The following LHFPL3 variants were observed in gnomAD, a reference collection of about 807,000 sequenced individuals.
LHFPL3 encodes the protein LHFPL tetraspan subfamily member 3 protein.
In LHFPL3, 5 loss-of-function variants were observed where a neutral mutation model predicts 19.3. That is an observed-to-expected ratio of 0.26 (90% CI 0.14 to 0.54). The LOEUF (loss-of-function observed/expected upper bound fraction) is 0.54. Ranked by LOEUF, LHFPL3 falls within the 20% of genes least tolerant of loss-of-function variation. LHFPL3 has a pLI of 0.94. For synonymous variants in LHFPL3, 133 were observed against 126.2 expected (o/e 1.05, Z -0.36); for missense variants, 249 against 307.4 (o/e 0.81, Z 1.42).
At position 104,416,215 on chromosome 7, in the gene LHFPL3, C is replaced by T. The variant is rs538903945; in HGVS notation, c.445+86991C>T. 1.1e-3 allele frequency among the ~76,000 whole-genome samples: 164 copies of T among 152,098 alleles called. 1 individual carries two copies. Among genetic ancestry groups the T allele is most frequent in the African/African-American group, 3.7e-3 (154 of 41,456 alleles). On this transcript the variant is annotated intron_variant, in intron 1 of 2. Coordinates refer to ENST00000424859, the MANE Select transcript of LHFPL3 (RefSeq NM_199000.3). ...GGGAGTGGAGTGGTACAACTAGAAG[C>T]CAAGGAATTCCAAGGATTGCTGGTA...
At chr7:104,417,884 CTTTTTT>C (rs762794916) in intron 1 of LHFPL3, among the ~76,000 whole-genome samples, 2 of 117,762 alleles carry the variant, frequency 1.7e-5, no homozygotes, top group Admixed American at 1.8e-4. Context: ...TCTTCTTCTT[CTTTTTT>C]TTTTTTTTTT....
chr7:104,747,789 A>G (rs886969650), intron 2 of LHFPL3, among the ~76,000 whole-genome samples: 3 of 152,202 alleles, frequency 2.0e-5, no homozygotes, highest in Admixed American at 2.0e-4. Context: ...ATTTTCAGGT[A>G]GTAGCTATGG....
chr7:104,462,859 C>T (rs1584336693), intron 1 of LHFPL3, among the ~76,000 whole-genome samples: 1 of 152,100 alleles, frequency 6.6e-6, no homozygotes, highest in Non-Finnish European at 1.5e-5. Flanking sequence ...GCTGTGACTC[C>T]ATGTGGTCCT....
chr7:104,569,108 G>A (rs1486992756), intron 1 of LHFPL3, among the ~76,000 whole-genome samples: 1 of 152,074 alleles, frequency 6.6e-6, no homozygotes, highest in Non-Finnish European at 1.5e-5. Context: ...CTGGATAGAT[G>A]GACAACTGTA....
At chr7:104,610,715 T>C (rs572370153) in intron 1 of LHFPL3, among the ~76,000 whole-genome samples, 33 of 152,326 alleles carry the variant, frequency 2.2e-4, no homozygotes, top group Admixed American at 1.1e-3. Context: ...CCACCCCACA[T>C]TGGGGAGAAC....
intron 1 of LHFPL3, among the ~76,000 whole-genome samples, chr7:104,352,227 TGAA>T (rs1790191932): frequency 6.6e-6 from 1 of 151,222 alleles, no homozygotes; most frequent in Non-Finnish European, 1.5e-5. Flanking sequence ...AAAAAGAAAA[TGAA>T]TAATATATGT....
intron 1 of LHFPL3, among the ~76,000 whole-genome samples, chr7:104,672,992 T>C (rs1792515401): frequency 6.6e-6 from 1 of 152,172 alleles, no homozygotes; most frequent in African/African-American, 2.4e-5. Flanking sequence ...CTGAATGAAA[T>C]AATGCCCCCC....
At chr7:104,642,332 G>A (rs1244567499) in intron 1 of LHFPL3, among the ~76,000 whole-genome samples, 1 of 151,976 alleles carries the variant, frequency 6.6e-6, no homozygotes, top group Non-Finnish European at 1.5e-5. Context: ...CTGGCCCTAG[G>A]TTATGACTCT....
chr7:104,836,256 A>G lies in LHFPL3; in HGVS notation c.683-69931A>G, dbSNP rs191479350. On this transcript the variant is annotated intron_variant, in intron 2 of 2. Coordinates refer to ENST00000424859, the MANE Select transcript of LHFPL3 (RefSeq NM_199000.3). The stretch of plus-strand genomic sequence containing the variant: ...GAGCTGGAGAGGTAGACAAGAGCCC[A>G]ATCCTTTAGGCTGTATATGTCAGGG... Among the ~76,000 whole-genome samples, 239 of 152,286 alleles carry G rather than the reference A, an allele frequency of 1.6e-3. 1 individual carries two copies. The highest frequency in any genetic ancestry group is 5.5e-3 in the African/African-American group (229 of 41,552).
chr7:104,501,383 A>G (rs1474570826), intron 1 of LHFPL3, among the ~76,000 whole-genome samples: 1 of 152,238 alleles, frequency 6.6e-6, no homozygotes, highest in Non-Finnish European at 1.5e-5. Flanking sequence ...GGGAGCAGTT[A>G]GTGCTCTATA....
intron 1 of LHFPL3, among the ~76,000 whole-genome samples, chr7:104,621,305 G>A (rs1258494593): frequency 6.6e-6 from 1 of 152,172 alleles, no homozygotes; most frequent in Non-Finnish European, 1.5e-5. Flanking sequence ...CTATGAGAGA[G>A]GTTTCACTGA....
chr7:104,897,238 T>C (rs1792383287), intron 2 of LHFPL3, among the ~76,000 whole-genome samples: 1 of 152,184 alleles, frequency 6.6e-6, no homozygotes, highest in African/African-American at 2.4e-5. Context: ...TGGTGATGTA[T>C]TGCACAGCTA....
chr7:104,339,426 G>A (rs1296537529), intron 1 of LHFPL3, among the ~76,000 whole-genome samples: 2 of 152,180 alleles, frequency 1.3e-5, no homozygotes, highest in African/African-American at 2.4e-5. Context: ...AGGTCATAGA[G>A]ACAATAGGTG....
At chr7:104,657,712 C>T (rs1391731423) in intron 1 of LHFPL3, among the ~76,000 whole-genome samples, 1 of 152,154 alleles carries the variant, frequency 6.6e-6, no homozygotes, top group Non-Finnish European at 1.5e-5. Context: ...GTTCATTCTC[C>T]CCATGCATCT....
chr7:104,329,085 G>T lies in LHFPL3; in HGVS notation c.306G>T (p.Ser102=). The T allele has an allele frequency of 1.2e-6, 2 of 1,614,034 alleles. No homozygotes were observed. Among genetic ancestry groups the T allele is most frequent in the Non-Finnish European group, 1.7e-6 (2 of 1,179,906 alleles). ...TCACGGACTTCTCCACGCTGCCCTC[G>T]GGCGCCTTCAAAGCCGCCTCCTTCT... ...GSFTDFSTLP[S]GAFKAASFFI... is the part of the protein sequence containing the mutation. The change falls in exon 1 of 3, where the codon TCG becomes TCT. Residue 102 remains serine, a synonymous_variant. Transcript: ENST00000424859.
At chr7:104,841,493 G>GTGTGTGTGTGT (rs372610653) in intron 2 of LHFPL3, among the ~76,000 whole-genome samples, 1,620 of 140,908 alleles carry the variant, frequency 0.011, 11 homozygotes, top group African/African-American at 0.013. Context: ...CATTATGTGG[G>GTGTGTGTGTGT]GTGTGTGTGT....
chr7:104,650,208 A>G (rs1242308525), intron 1 of LHFPL3, among the ~76,000 whole-genome samples: 2 of 152,216 alleles, frequency 1.3e-5, no homozygotes, highest in African/African-American at 4.8e-5. Context: ...CAATGAACAG[A>G]AGAAATAGTA....
chr7:104,499,784 T>G (rs1222574302), intron 1 of LHFPL3, among the ~76,000 whole-genome samples: 1 of 152,260 alleles, frequency 6.6e-6, no homozygotes, highest in African/African-American at 2.4e-5. Flanking sequence ...CATGCAGTTA[T>G]AATCACATTT....
intron 1 of LHFPL3, among the ~76,000 whole-genome samples, chr7:104,481,726 T>C (rs1356177973): frequency 1.3e-5 from 2 of 152,164 alleles, no homozygotes; most frequent in Non-Finnish European, 2.9e-5. Context: ...CAAAAGGGTA[T>C]TTTATTTTCA....
Sources: allele counts gnomAD v4.1 joint callset (sites outside exome capture counted in the v4.1 genomes callset), GRCh38; gene constraint gnomAD v4.1.1; transcripts MANE v1.5; gene names NCBI Gene and HGNC (gene_info 2026-07-23, HGNC 2026-07-21).